Variants in ASCL2 observed in about 807,000 individuals in gnomAD.
ASCL2 encodes achaete-scute family bHLH transcription factor 2.
In ASCL2, 6 loss-of-function variants were observed where a neutral mutation model predicts 5.1. That is an observed-to-expected ratio of 1.17 (90% CI 0.64 to 2.31). ASCL2 has a LOEUF of 2.31. Among genes scored for constraint, ASCL2 ranks in the 30% most tolerant of loss-of-function variants. The pLI, the probability that ASCL2 is intolerant of heterozygous loss-of-function variation, is 0.00. For missense variants in ASCL2, 320 were observed against 310.3 expected (o/e 1.03, Z -0.23); for synonymous variants, 174 against 157.3 (o/e 1.11, Z -0.80).
chr11:2,269,667 G>A, intron 1 of ASCL2, 66 bp downstream of exon 1: 3 of 1,250,370 alleles, frequency 2.4e-6, no homozygotes, highest in African/African-American at 1.6e-5. Context: ...GACCCGCCGG[G>A]CCTGCCCACC....
chr11:2,270,011 C>T lies in ASCL2; in HGVS notation c.322G>A (p.Glu108Lys), dbSNP rs2096918713. The change falls in exon 1 of 2, where the codon GAG becomes AAG. Residue 108 changes from glutamate to lysine, a missense_variant. By Grantham distance (56) the Glu-to-Lys change is moderately conservative. Transcript: ENST00000331289. ...AGCGCGTTGCGCACGGCGTCGTGCT[C>T]GGCCAGCAGGCGCTGCAGCGCGCGG... ...YIRALQRLLA[E>K]HDAVRNALAG... The T allele has an allele frequency of 1.5e-6, 2 of 1,375,094 alleles. No individual in the cohort carries two copies. The highest frequency in any genetic ancestry group is 1.9e-6 in the Non-Finnish European group (2 of 1,062,198). 85.2% of individuals were successfully genotyped at this position (1,375,094 alleles called of 1,614,324 possible). A position where few individuals can be genotyped will look rare whatever the true frequency, so the allele number is the denominator to read the frequency against.
At chr11:2,269,620 G>C (rs1429292760) in intron 1 of ASCL2, 113 bp downstream of exon 1, 3 of 966,558 alleles carry the variant, frequency 3.1e-6, no homozygotes, top group Non-Finnish European at 4.1e-6. Context: ...GCCATCGCTC[G>C]GGCCTGGCGC....
chr11:2,270,175 G>C lies in ASCL2; in HGVS notation c.158C>G (p.Ala53Gly). 6.6e-7 allele frequency: 1 copy of C among 1,509,512 alleles called. No homozygotes were observed. The highest frequency in any genetic ancestry group is 8.8e-7 in the Non-Finnish European group (1 of 1,136,796). 93.5% of individuals were successfully genotyped at this position (1,509,512 alleles called of 1,614,324 possible). ...AETGGGAAAV[A>G]RRNERERNRV... The stretch of plus-strand genomic sequence containing the variant: ...GTTGCGCTCGCGCTCATTGCGCCGC[G>C]CTACGGCCGCTGCGCCGCCTCCGGT... The change falls in exon 1 of 2, where the codon GCG becomes GGG. Residue 53 changes from alanine (A) to glycine (G), a missense_variant. By Grantham distance (60) the Ala-to-Gly change is moderately conservative. Coordinates refer to ENST00000331289, the MANE Select transcript of ASCL2 (RefSeq NM_005170.3).
intron 1 of ASCL2, 54 bp downstream of exon 1, chr11:2,269,679 C>CG: frequency 1.0e-5 from 11 of 1,083,592 alleles, no homozygotes; most frequent in Non-Finnish European, 1.2e-5. Flanking sequence ...CTGCCCACCC[C>CG]GTCCCTCCAC....
At position 2,269,883 on chromosome 11, in the gene ASCL2, C is replaced by A; in HGVS notation, c.450G>T (p.Pro150=). The A allele has an allele frequency of 7.5e-7, 1 of 1,325,660 alleles. No homozygotes were observed. Among genetic ancestry groups the A allele is most frequent in the African/African-American group, 1.5e-5 (1 of 65,032 alleles). 82.1% of individuals were successfully genotyped at this position (1,325,660 alleles called of 1,614,324 possible). ...AASPSRASSS[P]GRGGSSEPGS... ...CGGGCTCCGAGCTGCCCCCGCGGCC[C>A]GGGGACGAAGAAGCGCGGGAGGGCG... The change falls in exon 1 of 2, where the codon CCG becomes CCT. Residue 150 remains proline, a synonymous_variant. Coordinates refer to ENST00000331289, the MANE Select transcript of ASCL2 (RefSeq NM_005170.3).
At chr11:2,269,155 C>G (rs1181434507) in intron 1 of ASCL2, 29 bp from the exon 2 acceptor site, 1 of 152,012 alleles carries the variant, frequency 6.6e-6, no homozygotes, top group Admixed American at 6.5e-5. Flanking sequence ...GAACCAAACG[C>G]GCGTCAACGC....
intron 1 of ASCL2, 62 bp downstream of exon 1, chr11:2,269,671 G>GGCC: frequency 8.6e-6 from 9 of 1,042,568 alleles, no homozygotes; most frequent in Non-Finnish European, 1.0e-5. Flanking sequence ...CGCCGGGCCT[G>GGCC]CCCACCCCGT....
chr11:2,270,499 G>A lies in ASCL2; in HGVS notation c.-167C>T. The A allele has an allele frequency of 8.3e-7, 1 of 1,198,068 alleles. No individual in the cohort carries two copies. Among genetic ancestry groups the A allele is most frequent in the East Asian group, 3.3e-5 (1 of 30,706 alleles). 74.2% of individuals were successfully genotyped at this position (1,198,068 alleles called of 1,614,324 possible). A position where few individuals can be genotyped will look rare whatever the true frequency, so the allele number is the denominator to read the frequency against. On this transcript the variant is annotated 5_prime_UTR_variant, in exon 1 of 2. Coordinates refer to ENST00000331289, the MANE Select transcript of ASCL2 (RefSeq NM_005170.3). The stretch of plus-strand genomic sequence containing the variant: ...CGTCCTAGGTCGTCTGGAGCCCGGG[G>A]ATAGGAGGCCTAGTGGTGGCAGGCC...
chr11:2,270,024 C>A lies in ASCL2; in HGVS notation c.309G>T (p.Gln103His). The change falls in exon 1 of 2, where the codon CAG (glutamine) becomes CAT (histidine). Residue 103 changes from glutamine (Q) to histidine (H), a missense_variant. Physicochemically the swap from Gln to His is conservative, Grantham distance 24. Coordinates refer to ENST00000331289, the MANE Select transcript of ASCL2 (RefSeq NM_005170.3). ...CGGCGTCGTGCTCGGCCAGCAGGCGCTGCAGCGCGCGGATGTACTCCACGG... is the reference window on the plus strand; with the variant it reads ...CGGCGTCGTGCTCGGCCAGCAGGCGATGCAGCGCGCGGATGTACTCCACGG... ...RSAVEYIRAL[Q>H]RLLAEHDAVR... 7.1e-7 allele frequency: 1 copy of A among 1,412,772 alleles called. No individual in the cohort carries two copies. The highest frequency in any genetic ancestry group is 9.3e-7 in the Non-Finnish European group (1 of 1,081,074). 87.5% of individuals were successfully genotyped at this position (1,412,772 alleles called of 1,614,324 possible).
At chr11:2,269,493 C>T (rs943280155) in intron 1 of ASCL2, among the ~76,000 whole-genome samples, 1 of 152,204 alleles carries the variant, frequency 6.6e-6, no homozygotes, top group African/African-American at 2.4e-5. Flanking sequence ...CCTCGTCTAC[C>T]CCTCCCTCGT....
rs1226967108 is a variant in ASCL2 at position 2,270,066 on chromosome 11, C to T, written c.267G>A (p.Val89=). The T allele has an allele frequency of 2.0e-6, 3 of 1,487,972 alleles. No individual in the cohort carries two copies. The highest frequency in any genetic ancestry group is 2.9e-5 in the East Asian group (1 of 34,104). 92.2% of individuals were successfully genotyped at this position (1,487,972 alleles called of 1,614,324 possible). A position where few individuals can be genotyped will look rare whatever the true frequency, so the allele number is the denominator to read the frequency against. The change falls in exon 1 of 2, where the codon GTG becomes GTA. Residue 89 remains valine (V), a synonymous_variant. Transcript: ENST00000331289. ...HGGASKKLSK[V]ETLRSAVEYI... is the part of the protein sequence containing the mutation. Reference sequence around the variant, plus strand: ...ACTCCACGGCTGAGCGCAGCGTCTCCACCTTGCTCAGCTTCTTGCTGGCGC... The same window carrying T: ...ACTCCACGGCTGAGCGCAGCGTCTCTACCTTGCTCAGCTTCTTGCTGGCGC...
chr11:2,269,299 G>T (rs1449981479), intron 1 of ASCL2, among the ~76,000 whole-genome samples, 173 bp from the exon 2 acceptor site: 2 of 151,490 alleles, frequency 1.3e-5, no homozygotes, highest in African/African-American at 4.8e-5. Flanking sequence ...TCTGAGACAC[G>T]GCGGGGGCGG....
Position 2,269,844 on chromosome 11 carries a change from G to T in ASCL2, c.489C>A (p.Ser163=). The T allele has an allele frequency of 1.4e-6, 2 of 1,387,698 alleles. No individual in the cohort carries two copies. Among genetic ancestry groups the T allele is most frequent in the South Asian group, 1.7e-5 (1 of 59,974 alleles). 86.0% of individuals were successfully genotyped at this position (1,387,698 alleles called of 1,614,324 possible). A position where few individuals can be genotyped will look rare whatever the true frequency, so the allele number is the denominator to read the frequency against. Residue 163 remains serine, a synonymous_variant, in exon 1 of 2, where the codon TCC becomes TCA. Transcript: ENST00000331289. ...AGCCGCTGTCGTCCGACGAGTAGGC[G>T]GAACGCGGGGAGCCGGGCTCCGAGC... is the stretch of plus-strand genomic sequence containing the variant. ...GGSSEPGSPR[S]AYSSDDSGCE...
chr11:2,269,952 C>T lies in ASCL2; in HGVS notation c.381G>A (p.Pro127=), dbSNP rs909027939. ...AGGLRPQAVR[P]SAPRGPPGTT... ...TCCCTGGCGGCCCGCGGGGCGCAGA[C>T]GGCCGCACGGCCTGCGGCCTCAGCC... Residue 127 remains proline (P), a synonymous_variant, in exon 1 of 2, where the codon CCG becomes CCA. Coordinates refer to ENST00000331289, the MANE Select transcript of ASCL2 (RefSeq NM_005170.3). The T allele has an allele frequency of 2.3e-5, 29 of 1,285,298 alleles. No homozygotes were observed. The highest frequency in any genetic ancestry group is 6.4e-5 in the East Asian group (2 of 31,478). The allele number at this position is 1,285,298 out of a possible 1,614,324, so 79.6% of individuals were successfully genotyped here.
chr11:2,270,020 G>A lies in ASCL2; in HGVS notation c.313C>T (p.Leu105=), dbSNP rs1338102956. The change falls in exon 1 of 2, where the codon CTG becomes TTG. Residue 105 remains leucine, a synonymous_variant. Transcript: ENST00000331289. ...CGCACGGCGTCGTGCTCGGCCAGCAGGCGCTGCAGCGCGCGGATGTACTCC... is the reference window on the plus strand; with the variant it reads ...CGCACGGCGTCGTGCTCGGCCAGCAAGCGCTGCAGCGCGCGGATGTACTCC... ...AVEYIRALQR[L]LAEHDAVRNA... is the part of the protein sequence containing the mutation. The A allele has an allele frequency of 4.3e-6, 6 of 1,392,584 alleles. No individual in the cohort carries two copies. The South Asian group carries it at 9.3e-5, about 22-fold the overall frequency. The allele number at this position is 1,392,584 out of a possible 1,614,324, so 86.3% of individuals were successfully genotyped here.
At position 2,269,961 on chromosome 11, in the gene ASCL2, G is replaced by T. The variant is rs1158272519; in HGVS notation, c.372C>A (p.Ala124=). The change falls in exon 1 of 2, where the codon GCC becomes GCA. Residue 124 remains alanine, a synonymous_variant. Coordinates refer to ENST00000331289, the MANE Select transcript of ASCL2 (RefSeq NM_005170.3). ...GCCCGCGGGGCGCAGACGGCCGCACGGCCTGCGGCCTCAGCCCTCCCGCCA... is the reference window on the plus strand; with the variant it reads ...GCCCGCGGGGCGCAGACGGCCGCACTGCCTGCGGCCTCAGCCCTCCCGCCA... ...NALAGGLRPQ[A]VRPSAPRGPP... is the part of the protein sequence containing the mutation. 5 of 1,287,434 alleles carry T rather than the reference G, an allele frequency of 3.9e-6. No homozygotes were observed. Among genetic ancestry groups the T allele is most frequent in the Non-Finnish European group, 4.9e-6 (5 of 1,016,472 alleles). The allele number at this position is 1,287,434 out of a possible 1,614,324, so 79.8% of individuals were successfully genotyped here.
Position 2,270,410 on chromosome 11 carries a change from G to A in ASCL2, c.-78C>T. ...CAGGCAGAGGAACCGGAGGCGACGG[G>A]GAAAACTGTGGCGCCCCAAGGGGGC... On this transcript the variant is annotated 5_prime_UTR_variant, in exon 1 of 2. Transcript: ENST00000331289. 1.6e-6 allele frequency: 2 copies of A among 1,257,320 alleles called. No individual in the cohort carries two copies. The highest frequency in any genetic ancestry group is 6.9e-5 in the South Asian group (2 of 28,792). 77.9% of individuals were successfully genotyped at this position (1,257,320 alleles called of 1,614,324 possible). A position where few individuals can be genotyped will look rare whatever the true frequency, so the allele number is the denominator to read the frequency against.
At position 2,270,222 on chromosome 11, in the gene ASCL2, C is replaced by A. The variant is rs775366015; in HGVS notation, c.111G>T (p.Arg37=). 2.1e-6 allele frequency: 3 copies of A among 1,450,494 alleles called. No homozygotes were observed. The highest frequency in any genetic ancestry group is 2.7e-5 in the South Asian group (2 of 73,892). The allele number at this position is 1,450,494 out of a possible 1,614,324, so 89.9% of individuals were successfully genotyped here. A position where few individuals can be genotyped will look rare whatever the true frequency, so the allele number is the denominator to read the frequency against. ...CGGTCTCTGCGGTGGCCGGTCGCCG[C>A]CGCCGGCTGCAGCGCAACAGTTCCG... The part of the protein sequence containing the change: ...ASPELLRCSR[R]RRPATAETGG... Residue 37 remains arginine, a synonymous_variant, in exon 1 of 2, where the codon CGG becomes CGT. Transcript: ENST00000331289.
rs1420554991 is a variant in ASCL2 at position 2,269,887 on chromosome 11, G to A, written c.446C>T (p.Ser149Phe). Residue 149 changes from serine (S) to phenylalanine (F), a missense_variant, in exon 1 of 2, where the codon TCC becomes TTC. Ser to Phe is a radical substitution (Grantham distance 155, BLOSUM62 -2). Transcript: ENST00000331289. ...VAASPSRASS[S>F]PGRGGSSEPG... is the part of the protein sequence containing the mutation. ...CTCCGAGCTGCCCCCGCGGCCCGGG[G>A]ACGAAGAAGCGCGGGAGGGCGAGGC... The A allele has an allele frequency of 7.6e-6, 10 of 1,322,242 alleles. No individual in the cohort carries two copies. Among genetic ancestry groups the A allele is most frequent in the East Asian group, 3.1e-5 (1 of 32,042 alleles). 81.9% of individuals were successfully genotyped at this position (1,322,242 alleles called of 1,614,324 possible).
Sources: gnomAD v4.1 joint callset for allele counts (sites outside exome capture counted in the v4.1 genomes callset) on GRCh38, gnomAD v4.1.1 for gene constraint, MANE v1.5 for transcripts, NCBI Gene and HGNC (gene_info 2026-07-23, HGNC 2026-07-21) for gene names.